Variants in CAMTA1 observed in about 807,000 individuals in gnomAD.
The protein encoded by CAMTA1 is calmodulin binding transcription activator 1.
CAMTA1 carries 27 observed loss-of-function variants against 170.9 expected under a neutral mutation model. The observed-to-expected ratio is 0.16, with a 90% CI of 0.12 to 0.22. CAMTA1 has a LOEUF of 0.22. Among genes scored for constraint, CAMTA1 ranks in the 10% least tolerant of loss-of-function variants. The pLI is 1.00. For missense variants in CAMTA1, 1,619 were observed against 2,217.2 expected (o/e 0.73, Z 5.42); for synonymous variants, 833 against 891.5 (o/e 0.93, Z 1.17).
intron 6 of CAMTA1, among the ~76,000 whole-genome samples, chr1:7,533,764 T>C (rs2094517972): frequency 6.6e-6 from 1 of 151,920 alleles, no homozygotes. Flanking sequence ...AATATAAAAA[T>C]TAGCCGGGCA....
chr1:6,989,704 G>C (rs1190939321), intron 3 of CAMTA1, among the ~76,000 whole-genome samples: 3 of 152,142 alleles, frequency 2.0e-5, no homozygotes, highest in Non-Finnish European at 4.4e-5. Context: ...TGGCATGGGG[G>C]TGCTACCTCG....
Position 7,634,038 on chromosome 1 carries a change from G to A in CAMTA1, c.511-6362G>A, listed in dbSNP as rs188260230. On this transcript the variant is annotated intron_variant, in intron 6 of 22. Coordinates refer to ENST00000303635, the MANE Select transcript of CAMTA1 (RefSeq NM_015215.4). This position sits in a 1 kb window ranked among gnomAD's most constrained non-coding sequence, Gnocchi z 6.2. ...GCAGCGGCCAGCAAGAAGCACAGGT[G>A]GCCCGGCCTGGAACCGTGGCAGGAG... Among the ~76,000 whole-genome samples, 1 of 152,346 alleles carries A rather than the reference G, an allele frequency of 6.6e-6. No homozygotes were observed. Among genetic ancestry groups the A allele is most frequent in the East Asian group, 1.9e-4 (1 of 5,174 alleles).
At chr1:6,895,252 A>T (rs945853831) in intron 3 of CAMTA1, among the ~76,000 whole-genome samples, 1 of 152,226 alleles carries the variant, frequency 6.6e-6, no homozygotes, top group African/African-American at 2.4e-5. Flanking sequence ...CACTTAACAC[A>T]AACTCATCAG....
chr1:7,660,797 CTGGAT>C (rs2095949415), intron 7 of CAMTA1, among the ~76,000 whole-genome samples: 1 of 152,228 alleles, frequency 6.6e-6, no homozygotes, highest in Admixed American at 6.5e-5. Flanking sequence ...TCCTCCGCGC[CTGGAT>C]CCCCAGCACC....
intron 3 of CAMTA1, among the ~76,000 whole-genome samples, chr1:6,996,247 C>T (rs568711205): frequency 6.6e-6 from 1 of 152,324 alleles, no homozygotes; most frequent in South Asian, 2.1e-4. Flanking sequence ...GCTCATATAT[C>T]TTGTAATTTG....
At chr1:7,314,171 T>C (rs1005508719) in intron 5 of CAMTA1, among the ~76,000 whole-genome samples, 5 of 152,238 alleles carry the variant, frequency 3.3e-5, no homozygotes, top group Non-Finnish European at 7.3e-5. Context: ...CACTTGGTGC[T>C]GTTCTTCCAT....
chr1:7,727,146 A>T (rs1449751961), intron 11 of CAMTA1, among the ~76,000 whole-genome samples: 1 of 138,064 alleles, frequency 7.2e-6, no homozygotes, highest in African/African-American at 2.7e-5. Flanking sequence ...TTTTTGAGAC[A>T]GAGTCTCGCT....
rs573767966 is a variant in CAMTA1, at chr1:7,456,665, A to G, written c.439-11165A>G. On this transcript the variant is annotated intron_variant, in intron 5 of 22. Transcript: ENST00000303635. The surrounding 1 kb of genome is among the most constrained non-coding windows in gnomAD (Gnocchi z 4.9). ...TGCTGGGGCCCGCAGGGAGCCAGGTATCAGGACAGATTTCTGAGACACGAA... is the reference window on the plus strand; with the variant it reads ...TGCTGGGGCCCGCAGGGAGCCAGGTGTCAGGACAGATTTCTGAGACACGAA... Among the ~76,000 whole-genome samples, 3 of 152,318 alleles carry G rather than the reference A, an allele frequency of 2.0e-5. No homozygotes were observed. The highest frequency in any genetic ancestry group is 4.4e-5 in the Non-Finnish European group (3 of 68,026).
intron 6 of CAMTA1, among the ~76,000 whole-genome samples, chr1:7,498,689 ATG>A (rs36207383): frequency 0.4 from 61,139 of 151,824 alleles, 12,793 homozygotes; most frequent in Middle Eastern, 0.53. Flanking sequence ...ATGCATATGT[ATG>A]TGTGTATATG....
rs867043814 is a variant in CAMTA1 at position 7,010,520 on chromosome 1, A to G, written c.235-80784A>G. 3.3e-5 allele frequency among the ~76,000 whole-genome samples: 5 copies of G among 152,128 alleles called. No homozygotes were observed. The highest frequency in any genetic ancestry group is 1.5e-5 in the Non-Finnish European group (1 of 68,030). On this transcript the variant is annotated intron_variant, in intron 3 of 22. Transcript: ENST00000303635. This position sits in a 1 kb window ranked among gnomAD's most constrained non-coding sequence, Gnocchi z 4.4. ...GTTATCTTGGCTGTTTGACAAATAG[A>G]CTTTGGAGGTGGAAAGACCTGAGTT...
intron 3 of CAMTA1, among the ~76,000 whole-genome samples, chr1:7,074,969 A>T (rs1041234407): frequency 1.3e-5 from 2 of 152,212 alleles, no homozygotes; most frequent in African/African-American, 4.8e-5. Context: ...GTGGAGCTGG[A>T]AGTAGAGCTG....
chr1:7,583,893 C>T (rs1234600044), intron 6 of CAMTA1, among the ~76,000 whole-genome samples: 1 of 152,112 alleles, frequency 6.6e-6, no homozygotes, highest in Non-Finnish European at 1.5e-5. Flanking sequence ...CTGAGGTTGG[C>T]CACGTGAGAG....
chr1:7,244,912 A>G (rs1444644651), intron 4 of CAMTA1, among the ~76,000 whole-genome samples: 1 of 151,908 alleles, frequency 6.6e-6, no homozygotes, highest in African/African-American at 2.4e-5. Flanking sequence ...AAAAATAAAT[A>G]CATAAATAAA....
At chr1:6,819,029 T>C (rs1237141420) in intron 1 of CAMTA1, among the ~76,000 whole-genome samples, 2 of 151,980 alleles carry the variant, frequency 1.3e-5, no homozygotes, top group African/African-American at 4.8e-5. Context: ...CATGGTTCAC[T>C]GCAGCCTTAA....
chr1:7,194,011 C>T (rs1057364049), intron 4 of CAMTA1, among the ~76,000 whole-genome samples: 4 of 152,106 alleles, frequency 2.6e-5, no homozygotes, highest in Non-Finnish European at 2.9e-5. Flanking sequence ...CTCACTGATA[C>T]GTAGATAGAC....
intron 6 of CAMTA1, among the ~76,000 whole-genome samples, chr1:7,625,926 G>T (rs551581342): frequency 3.3e-5 from 5 of 152,204 alleles, no homozygotes; most frequent in Non-Finnish European, 7.3e-5. Context: ...GCGAGCTCCA[G>T]GAGCCACTGG....
Position 7,677,591 on chromosome 1 carries a change from G to A in CAMTA1, c.2780-8G>A, listed in dbSNP as rs41278946. On this transcript the variant is annotated splice_region_variant and splice_polypyrimidine_tract_variant and intron_variant, in intron 10 of 22. Transcript: ENST00000303635. ...TCCCTTGACCTGGTCTTTTTCTCTC[G>A]CTTTCAGCCCATGACACTGGTCTTG... 0.051 allele frequency: 82,746 copies of A among 1,612,016 alleles called. 2,467 individuals are homozygous for A. Among genetic ancestry groups the A allele is most frequent in the Non-Finnish European group, 0.06 (70,863 of 1,179,002 alleles).
chr1:7,101,550 A>C (rs998407958), intron 4 of CAMTA1, among the ~76,000 whole-genome samples: 2 of 152,238 alleles, frequency 1.3e-5, no homozygotes, highest in Admixed American at 6.5e-5. Flanking sequence ...AAAATAAACC[A>C]AAAACAAAGG....
At chr1:7,115,575 C>T (rs983079672) in intron 4 of CAMTA1, among the ~76,000 whole-genome samples, 1 of 122,030 alleles carries the variant, frequency 8.2e-6, no homozygotes, top group Non-Finnish European at 1.7e-5. Context: ...GATGTTGTTC[C>T]AGTCTGAATC....
Sources: allele counts gnomAD v4.1 joint callset (sites outside exome capture counted in the v4.1 genomes callset), GRCh38; gene constraint gnomAD v4.1.1; non-coding constraint Gnocchi (gnomAD v3.1); transcripts MANE v1.5; gene names NCBI Gene and HGNC (gene_info 2026-07-23, HGNC 2026-07-21).